Variants in IGF2BP1 observed in about 807,000 individuals in gnomAD.
The protein encoded by IGF2BP1 is insulin like growth factor 2 mRNA binding protein 1.
In IGF2BP1, 11 loss-of-function variants were observed where a neutral mutation model predicts 74.9. That is an observed-to-expected ratio of 0.15 (90% CI 0.09 to 0.24). IGF2BP1 has a LOEUF of 0.24. Among genes scored for constraint, IGF2BP1 ranks in the 10% least tolerant of loss-of-function variants. The probability of loss-of-function intolerance (pLI) is 1.00; values close to 1 mark genes in which losing one functional copy is unlikely to be tolerated. For missense variants in IGF2BP1, 440 were observed against 757.4 expected (o/e 0.58, Z 4.92); for synonymous variants, 287 against 281.8 (o/e 1.02, Z -0.18).
intron 3 of IGF2BP1, 23 bp downstream of exon 3, chr17:49,025,689 A>C: frequency 1.2e-6 from 2 of 1,605,866 alleles, no homozygotes; most frequent in South Asian, 2.2e-5. Flanking sequence ...GGGAAACTCT[A>C]AATGGAGTGG....
At chr17:49,041,652 A>T (rs2042054069) in intron 8 of IGF2BP1, 152 bp downstream of exon 8, 4 of 1,088,786 alleles carry the variant, frequency 3.7e-6, no homozygotes, top group Non-Finnish European at 5.2e-6. Context: ...AAGAGCATTT[A>T]AAAAATCCCT....
intron 2 of IGF2BP1, among the ~76,000 whole-genome samples, chr17:49,010,313 CTT>C (rs397857828): frequency 0.057 from 6,033 of 105,334 alleles, 222 homozygotes; most frequent in African/African-American, 0.15. Flanking sequence ...TGGTGGTCAT[CTT>C]TTTTTTTTTT....
intron 2 of IGF2BP1, among the ~76,000 whole-genome samples, chr17:49,019,456 C>T (rs1472680570): frequency 1.3e-5 from 2 of 152,058 alleles, no homozygotes; most frequent in Admixed American, 6.5e-5. Flanking sequence ...GCTGGAATTA[C>T]GTCTTTTTAG....
intron 2 of IGF2BP1, 135 bp downstream of exon 2, chr17:48,999,304 G>A: frequency 1.6e-6 from 1 of 633,034 alleles, no homozygotes; most frequent in Non-Finnish European, 2.8e-6. Flanking sequence ...CGGATGTTGG[G>A]GGCAGGGAGG....
intron 4 of IGF2BP1, among the ~76,000 whole-genome samples, chr17:49,031,437 A>G (rs1385186911): frequency 6.6e-6 from 1 of 151,934 alleles, no homozygotes; most frequent in East Asian, 1.9e-4. Context: ...CTTCCTTGAA[A>G]GGGGAAAAGT....
At chr17:49,016,086 T>C (rs967181649) in intron 2 of IGF2BP1, among the ~76,000 whole-genome samples, 4 of 152,242 alleles carry the variant, frequency 2.6e-5, no homozygotes, top group Non-Finnish European at 5.9e-5. Flanking sequence ...TGGCACGCAC[T>C]TAACCATACA....
At chr17:49,043,885 TGAG>T in intron 10 of IGF2BP1, 79 bp from the exon 11 acceptor site, 1 of 1,556,978 alleles carries the variant, frequency 6.4e-7, no homozygotes, top group Non-Finnish European at 8.7e-7. Flanking sequence ...CCTTCCTCCT[TGAG>T]GATGCAAGGC....
In IGF2BP1 at chr17:49,049,460, C is replaced by T. The variant is rs553931944; in HGVS notation, c.*16C>T. On this transcript the variant is annotated 3_prime_UTR_variant, in exon 15 of 15. Coordinates refer to ENST00000290341, the MANE Select transcript of IGF2BP1 (RefSeq NM_006546.4). The stretch of plus-strand genomic sequence containing the variant: ...GAGGAAGTGACCAGCCCCTCCCTGT[C>T]CCTTCGAGTCCAGGACAACAACGGG... The T allele has an allele frequency of 4.9e-5, 79 of 1,606,250 alleles. No individual in the cohort carries two copies. In the South Asian group the frequency reaches 8.3e-4, roughly 17 times the overall value.
chr17:49,036,463 AAATAAAAAAT>A, intron 5 of IGF2BP1: 1 of 152,022 alleles, frequency 6.6e-6, no homozygotes, highest in Non-Finnish European at 1.5e-5. Flanking sequence ...AAAAATAAAA[AAATAAAAAAT>A]AATAAAAAAA....
At position 49,038,268 on chromosome 17, in the gene IGF2BP1, C is replaced by T. The variant is rs756506419; in HGVS notation, c.502C>T (p.Arg168Ter). 1 of 1,600,566 alleles carries T rather than the reference C, an allele frequency of 6.2e-7. No homozygotes were observed. Among genetic ancestry groups the T allele is most frequent in the Admixed American group, 1.7e-5 (1 of 57,860 alleles). Residue 168 changes from arginine (R) to a stop codon, truncating the protein, a stop_gained, in exon 6 of 15, where the codon CGA becomes TGA. Coordinates refer to ENST00000290341, the MANE Select transcript of IGF2BP1 (RefSeq NM_006546.4). LOFTEE classifies it high-confidence loss of function. Reference sequence around the variant, plus strand: ...AGCACAGGGACCTGAGAATGGGCGCCGAGGGGGCTTTGGCTCTCGGGGTCA... The same window carrying T: ...AGCACAGGGACCTGAGAATGGGCGCTGAGGGGGCTTTGGCTCTCGGGGTCA... ...QIAQGPENGR[R>*]GGFGSRGQPR... is the part of the protein sequence containing the mutation.
intron 5 of IGF2BP1, chr17:49,037,083 A>G: frequency 3.4e-6 from 1 of 297,740 alleles, no homozygotes; most frequent in South Asian, 4.0e-5. Flanking sequence ...CAAGCATTTC[A>G]AGGAGTTTGA....
At position 49,014,747 on chromosome 17, in the gene IGF2BP1, T is replaced by C. The variant is rs1037834671; in HGVS notation, c.237-10871T>C. The C allele has an allele frequency of 1.7e-5, 17 of 984,990 alleles. No homozygotes were observed. In the Admixed American group the frequency reaches 1.0e-3, roughly 60 times the overall value. 61.0% of individuals were successfully genotyped at this position (984,990 alleles called of 1,614,324 possible). ...ATGGACACGCAGACGCTTGCGGGGCTGGTGCCCAGATGTTTGCCCATCGTC... is the reference window on the plus strand; with the variant it reads ...ATGGACACGCAGACGCTTGCGGGGCCGGTGCCCAGATGTTTGCCCATCGTC... On this transcript the variant is annotated intron_variant, in intron 2 of 14. Coordinates refer to ENST00000290341, the MANE Select transcript of IGF2BP1 (RefSeq NM_006546.4).
chr17:48,996,744 G>A (rs1004494751), upstream of IGF2BP1, among the ~76,000 whole-genome samples: 9 of 152,172 alleles, frequency 5.9e-5, 1 homozygote, highest in East Asian at 1.7e-3. Flanking sequence ...TATTTCCTGC[G>A]GCTTCCTCGT....
chr17:49,047,468 C>T (rs575041882), intron 14 of IGF2BP1, among the ~76,000 whole-genome samples: 78 of 151,856 alleles, frequency 5.1e-4, no homozygotes, highest in African/African-American at 1.9e-3. Context: ...ACAACAATTT[C>T]ATTTTATAAA....
At chr17:49,036,469 A>T (rs536079874) in intron 5 of IGF2BP1, 3 of 151,972 alleles carry the variant, frequency 2.0e-5, no homozygotes, top group South Asian at 2.1e-4. Context: ...AAAAAAATAA[A>T]AAATAATAAA....
chr17:49,037,932 A>G (rs746304184), intron 5 of IGF2BP1, among the ~76,000 whole-genome samples: 2 of 152,226 alleles, frequency 1.3e-5, no homozygotes, highest in South Asian at 2.1e-4. Flanking sequence ...TTTGTGAACA[A>G]TAAATCCCAA....
At chr17:49,022,032 C>T (rs1249443964) in intron 2 of IGF2BP1, among the ~76,000 whole-genome samples, 1 of 152,204 alleles carries the variant, frequency 6.6e-6, no homozygotes, top group African/African-American at 2.4e-5. Flanking sequence ...ACTCCAGTTC[C>T]CTGGGACTGG....
chr17:49,033,293 T>C (rs1350874231), intron 5 of IGF2BP1, among the ~76,000 whole-genome samples: 2 of 151,620 alleles, frequency 1.3e-5, no homozygotes, highest in African/African-American at 4.9e-5. Flanking sequence ...GGACTACAGG[T>C]GTACACCACC....
intron 2 of IGF2BP1, among the ~76,000 whole-genome samples, chr17:49,006,774 T>C (rs545711645): frequency 6.6e-6 from 1 of 152,160 alleles, no homozygotes; most frequent in Non-Finnish European, 1.5e-5. Flanking sequence ...TCTACCTGTA[T>C]GTTGAAAGGA....
Sources: allele counts gnomAD v4.1 joint callset (sites outside exome capture counted in the v4.1 genomes callset), GRCh38; gene constraint gnomAD v4.1.1; transcripts MANE v1.5; gene names NCBI Gene and HGNC (gene_info 2026-07-23, HGNC 2026-07-21).